ADGRG7: variants seen among roughly 807,000 people sequenced by gnomAD.
ADGRG7 encodes adhesion G protein-coupled receptor G7.
ADGRG7 carries 82 observed loss-of-function variants against 88.6 expected under a neutral mutation model. The ratio of observed to expected loss-of-function variants is 0.93; its 90% CI spans 0.77 to 1.11. The LOEUF is 1.11. Ranked by LOEUF, ADGRG7 falls within the 50% of genes most tolerant of loss-of-function variation. The probability of loss-of-function intolerance (pLI) is 0.00; values close to 1 mark genes in which losing one functional copy is unlikely to be tolerated. For synonymous variants in ADGRG7, 381 were observed against 345.2 expected (o/e 1.10, Z -1.15); for missense variants, 945 against 953.4 (o/e 0.99, Z 0.12).
At chr3:100,636,474 C>T (rs1707542806) in intron 5 of ADGRG7, among the ~76,000 whole-genome samples, 1 of 151,962 alleles carries the variant, frequency 6.6e-6, no homozygotes, top group South Asian at 2.1e-4. Flanking sequence ...TTTGCTAAAC[C>T]CTGGTACTTG....
intron 13 of ADGRG7, among the ~76,000 whole-genome samples, chr3:100,658,423 A>G: frequency 6.6e-6 from 1 of 152,206 alleles, no homozygotes; most frequent in East Asian, 1.9e-4. Context: ...ATGTTTTTAA[A>G]ACTCAAGACA....
chr3:100,689,206 C>CT (rs1286020254), intron 15 of ADGRG7, among the ~76,000 whole-genome samples: 1 of 151,964 alleles, frequency 6.6e-6, no homozygotes, highest in East Asian at 1.9e-4. Context: ...CAACCCCTGC[C>CT]TTTTTTTGTT....
intron 12 of ADGRG7, 147 bp from the exon 13 acceptor site, chr3:100,655,752 C>A: frequency 1.9e-6 from 1 of 536,276 alleles, no homozygotes; most frequent in Non-Finnish European, 3.4e-6. Flanking sequence ...ACTGTCGACC[C>A]ACATCTGTAG....
chr3:100,616,774 T>G (rs1395950005), intron 1 of ADGRG7, among the ~76,000 whole-genome samples: 1 of 152,084 alleles, frequency 6.6e-6, no homozygotes, highest in East Asian at 1.9e-4. Context: ...TGAGCTATGA[T>G]TACACCTCTG....
chr3:100,675,129 A>G lies in ADGRG7; in HGVS notation c.2136+6024A>G, dbSNP rs145528739. On this transcript the variant is annotated intron_variant, in intron 15 of 15. Coordinates refer to ENST00000273352, the MANE Select transcript of ADGRG7 (RefSeq NM_032787.3). ...TGCTCTGGCTAGGACTTCCAGTGCT[A>G]TGTTGAATAACAGTGGTGAAAGTGG... Among the ~76,000 whole-genome samples, 7 of 152,242 alleles carry G rather than the reference A, an allele frequency of 4.6e-5. No individual in the cohort carries two copies. In the East Asian group the frequency reaches 1.4e-3, roughly 29 times the overall value.
intron 1 of ADGRG7, among the ~76,000 whole-genome samples, chr3:100,619,358 A>G (rs1435482995): frequency 2.6e-5 from 4 of 152,216 alleles, no homozygotes; most frequent in African/African-American, 9.7e-5. Context: ...TTTGAAACCA[A>G]CAAGAACAAA....
chr3:100,635,453 T>G, intron 4 of ADGRG7: 1 of 949,676 alleles, frequency 1.1e-6, no homozygotes, highest in Non-Finnish European at 1.4e-6. Flanking sequence ...GGCAGCCCCT[T>G]ATAGTTAATC....
intron 14 of ADGRG7, among the ~76,000 whole-genome samples, chr3:100,663,060 T>G (rs1172903317): frequency 5.3e-5 from 8 of 152,094 alleles, no homozygotes; most frequent in Admixed American, 6.5e-5. Context: ...AAAAAACATG[T>G]TATTGACTAG....
At chr3:100,634,042 C>A (rs1190565456) in intron 4 of ADGRG7, among the ~76,000 whole-genome samples, 5 of 152,138 alleles carry the variant, frequency 3.3e-5, no homozygotes. Context: ...TATCAAAGAC[C>A]CTTGGAAACA....
At chr3:100,661,743 TA>T (rs1164180119) in intron 14 of ADGRG7, among the ~76,000 whole-genome samples, 4 of 152,246 alleles carry the variant, frequency 2.6e-5, no homozygotes, top group African/African-American at 9.6e-5. Flanking sequence ...ATCACAAGAT[TA>T]CTGTATATGA....
intron 9 of ADGRG7, 26 bp downstream of exon 9, chr3:100,646,134 A>G: frequency 6.2e-7 from 1 of 1,604,806 alleles, no homozygotes. Context: ...CAGATGCAAG[A>G]AAAAAGTGTC....
rs1239594990 is a variant in ADGRG7 at position 100,637,335 on chromosome 3, C to A, written c.631C>A (p.Leu211Ile). ...KKVAIVTVSQLLDASEDAFQR... is the reference protein window; with the variant it reads ...KKVAIVTVSQILDASEDAFQR... ...AGTTGCCATAGTAACAGTGAGTCAACTCCTAGATGCCAGTGAAGATGCTTT... is the reference window on the plus strand; with the variant it reads ...AGTTGCCATAGTAACAGTGAGTCAAATCCTAGATGCCAGTGAAGATGCTTT... Residue 211 changes from leucine to isoleucine, a missense_variant, in exon 6 of 16, where the codon CTC becomes ATC. Transcript: ENST00000273352. 6.2e-7 allele frequency: 1 copy of A among 1,613,722 alleles called. No homozygotes were observed. Among genetic ancestry groups the A allele is most frequent in the East Asian group, 2.2e-5 (1 of 44,874 alleles).
chr3:100,676,791 C>T (rs184614444), intron 15 of ADGRG7, among the ~76,000 whole-genome samples: 2 of 151,730 alleles, frequency 1.3e-5, no homozygotes, highest in East Asian at 3.9e-4. Flanking sequence ...CAGTATTGGG[C>T]ATATATATAT....
chr3:100,629,708 A>G lies in ADGRG7; in HGVS notation c.226A>G (p.Ile76Val), dbSNP rs775158094. Residue 76 changes from isoleucine to valine, a missense_variant, in exon 2 of 16, where the codon ATT (isoleucine) becomes GTT (valine). By Grantham distance (29) the Ile-to-Val change is conservative. Coordinates refer to ENST00000273352, the MANE Select transcript of ADGRG7 (RefSeq NM_032787.3). ...AGAGTGGAAAGGACTGAGATGTACA[A>G]TTGGTAAATTACTTGGGATAATGCT... Reference protein sequence around the residue: ...TEEWKGLRCTIANFCENSTYM... With the variant: ...TEEWKGLRCTVANFCENSTYM... 1.7e-5 allele frequency: 27 copies of G among 1,592,320 alleles called. No homozygotes were observed. The highest frequency in any genetic ancestry group is 2.2e-5 in the Non-Finnish European group (25 of 1,160,418).
At position 100,677,341 on chromosome 3, in the gene ADGRG7, A is replaced by C. The variant is rs1355342298; in HGVS notation, c.2136+8236A>C. On this transcript the variant is annotated intron_variant, in intron 15 of 15. Coordinates refer to ENST00000273352, the MANE Select transcript of ADGRG7 (RefSeq NM_032787.3). ...ACACTGATTGCATAAACTAACAAACAAAGAGAAAACTAATAAAAACTCTAT... is the reference window on the plus strand; with the variant it reads ...ACACTGATTGCATAAACTAACAAACCAAGAGAAAACTAATAAAAACTCTAT... Among the ~76,000 whole-genome samples the C allele has an allele frequency of 2.6e-5, 4 of 152,156 alleles. No individual in the cohort carries two copies. The South Asian group carries it at 8.3e-4, about 31-fold the overall frequency.
intron 6 of ADGRG7, among the ~76,000 whole-genome samples, chr3:100,641,981 G>GATT (rs1490306740): frequency 6.6e-6 from 1 of 152,122 alleles, no homozygotes; most frequent in African/African-American, 2.4e-5. Flanking sequence ...GGCTTCTCTG[G>GATT]GGCAGGTGCC....
rs765369235 is a variant in ADGRG7 at position 100,659,774 on chromosome 3, T to A, written c.1910T>A (p.Ile637Asn). 2 of 1,614,020 alleles carry A rather than the reference T, an allele frequency of 1.2e-6. No individual in the cohort carries two copies. Residue 637 changes from isoleucine (I) to asparagine (N), a missense_variant, in exon 14 of 16, where the codon ATC (isoleucine) becomes AAC (asparagine). Coordinates refer to ENST00000273352, the MANE Select transcript of ADGRG7 (RefSeq NM_032787.3). ...ATCGTACCTGTAACCATTATCCTCA[T>A]CAGCAATGTTGTTATGTTTATTACA... ...SFIVPVTIIL[I>N]SNVVMFITIS...
At chr3:100,619,423 T>A (rs1471230962) in intron 1 of ADGRG7, among the ~76,000 whole-genome samples, 1 of 152,042 alleles carries the variant, frequency 6.6e-6, no homozygotes, top group Non-Finnish European at 1.5e-5. Flanking sequence ...TAGAGGGAAA[T>A]TTATAGCACT....
chr3:100,685,763 C>G (rs1315994231), intron 15 of ADGRG7, among the ~76,000 whole-genome samples: 1 of 151,968 alleles, frequency 6.6e-6, no homozygotes, highest in Admixed American at 6.5e-5. Context: ...TTTTCTTCAT[C>G]CAGTCTATCA....
Sources: allele counts gnomAD v4.1 joint callset (sites outside exome capture counted in the v4.1 genomes callset), GRCh38; gene constraint gnomAD v4.1.1; transcripts MANE v1.5; gene names NCBI Gene and HGNC (gene_info 2026-07-23, HGNC 2026-07-21).